The following LPP variants were observed in gnomAD, a reference collection of about 807,000 sequenced individuals.
The protein encoded by LPP is lipoma-preferred partner.
A neutral mutation model predicts 60.4 loss-of-function variants in LPP; 38 were observed. The ratio of observed to expected loss-of-function variants is 0.63; its 90% CI spans 0.49 to 0.83. The LOEUF is 0.83. LPP is among the 40% of genes least tolerant of loss of function. LPP has a pLI of 0.00. For missense variants in LPP, 902 were observed against 783.6 expected, an observed-to-expected ratio of 1.15 and a Z score of -1.80; for synonymous variants, 328 against 290.8, an observed-to-expected ratio of 1.13 and a Z score of -1.30.
At chr3:188,687,312 G>A (rs1860983361) in intron 7 of LPP, among the ~76,000 whole-genome samples, 1 of 152,104 alleles carries the variant, frequency 6.6e-6, no homozygotes, top group South Asian at 2.1e-4. Context: ...TGCTAATTTG[G>A]GAGTGTCCCC....
At chr3:188,584,545 TC>T (rs1190888628) in intron 6 of LPP, 5 of 118,754 alleles carry the variant, frequency 4.2e-5, no homozygotes, top group Admixed American at 9.9e-5. Flanking sequence ...TTAATTTTAG[TC>T]GTGTGTGTGT....
chr3:188,672,839 C>G (rs1247690592), intron 7 of LPP, among the ~76,000 whole-genome samples: 1 of 152,136 alleles, frequency 6.6e-6, no homozygotes, highest in Non-Finnish European at 1.5e-5. Flanking sequence ...AAGGTCTAAA[C>G]CCTGGGAGGA....
intron 9 of LPP, among the ~76,000 whole-genome samples, chr3:188,773,458 A>G (rs906639522): frequency 4.6e-5 from 7 of 152,134 alleles, no homozygotes; most frequent in African/African-American, 1.7e-4. Flanking sequence ...GGATATTGCA[A>G]TTGGATGGCT....
At chr3:188,491,923 A>C (rs1383418751) in intron 5 of LPP, among the ~76,000 whole-genome samples, 1 of 152,164 alleles carries the variant, frequency 6.6e-6, no homozygotes, top group Non-Finnish European at 1.5e-5. Context: ...ACTTTTTAAG[A>C]ACTTAAAGAG....
intron 1 of LPP, among the ~76,000 whole-genome samples, chr3:188,223,270 T>C (rs1365207194): frequency 6.6e-6 from 1 of 152,218 alleles, no homozygotes; most frequent in Non-Finnish European, 1.5e-5. Flanking sequence ...CAACAATGTA[T>C]AATTTTTTAA....
chr3:188,300,850 A>T (rs1749602937), intron 2 of LPP, among the ~76,000 whole-genome samples: 1 of 152,182 alleles, frequency 6.6e-6, no homozygotes, highest in Non-Finnish European at 1.5e-5. Context: ...ACATTTCTGG[A>T]TATGACGACA....
intron 3 of LPP, among the ~76,000 whole-genome samples, chr3:188,343,782 G>C (rs1763644451): frequency 6.6e-6 from 1 of 152,192 alleles, no homozygotes; most frequent in African/African-American, 2.4e-5. Context: ...ACCTTTGGGA[G>C]GTGGAGAAGT....
intron 4 of LPP, among the ~76,000 whole-genome samples, chr3:188,428,210 C>T (rs1789959871): frequency 6.6e-6 from 1 of 152,124 alleles, no homozygotes; most frequent in Non-Finnish European, 1.5e-5. Context: ...GGTGATGCTC[C>T]ACCCTGCTTA....
At chr3:188,273,346 G>A (rs78848334) in intron 2 of LPP, among the ~76,000 whole-genome samples, 2,289 of 152,248 alleles carry the variant, frequency 0.015, 23 homozygotes, top group Non-Finnish European at 0.024. Context: ...TCATTTGTAC[G>A]TGTGTACTTT....
intron 1 of LPP, among the ~76,000 whole-genome samples, chr3:188,192,467 T>C (rs542329324): frequency 5.3e-5 from 8 of 152,326 alleles, no homozygotes; most frequent in African/African-American, 1.9e-4. Flanking sequence ...AGGGGAAATA[T>C]CAAGATGAGA....
chr3:188,188,029 T>C (rs1727103482), intron 1 of LPP, among the ~76,000 whole-genome samples: 1 of 152,218 alleles, frequency 6.6e-6, no homozygotes, highest in Admixed American at 6.5e-5. Context: ...CATTTACATA[T>C]TGTTGAATGG....
At chr3:188,309,022 C>T (rs1290543945) in intron 2 of LPP, among the ~76,000 whole-genome samples, 18 of 119,650 alleles carry the variant, frequency 1.5e-4, no homozygotes, top group Admixed American at 9.9e-4. Flanking sequence ...TCTTCTTCTT[C>T]TTTTTTTTTT....
chr3:188,513,769 C>G (rs940939244), intron 5 of LPP, among the ~76,000 whole-genome samples: 2 of 152,118 alleles, frequency 1.3e-5, no homozygotes, highest in African/African-American at 4.8e-5. Context: ...AACAGTGAGG[C>G]TACTTGTGTA....
chr3:188,802,210 C>A (rs1434696183), intron 9 of LPP, among the ~76,000 whole-genome samples: 1 of 152,092 alleles, frequency 6.6e-6, no homozygotes, highest in Non-Finnish European at 1.5e-5. Flanking sequence ...TACTTAGGAT[C>A]CATTCATAGA....
At chr3:188,297,602 C>T (rs957413542) in intron 2 of LPP, among the ~76,000 whole-genome samples, 1 of 152,174 alleles carries the variant, frequency 6.6e-6, no homozygotes, top group Non-Finnish European at 1.5e-5. Flanking sequence ...GTGATTCAAG[C>T]TGAACAGCTA....
chr3:188,748,432 C>T (rs1726985786), intron 8 of LPP, among the ~76,000 whole-genome samples: 1 of 152,092 alleles, frequency 6.6e-6, no homozygotes, highest in Non-Finnish European at 1.5e-5. Flanking sequence ...AATCAAAACT[C>T]AATTCTTCTA....
intron 7 of LPP, among the ~76,000 whole-genome samples, chr3:188,621,761 G>A (rs141435944): frequency 6.6e-6 from 1 of 152,122 alleles, no homozygotes; most frequent in Non-Finnish European, 1.5e-5. Flanking sequence ...CTGGGTTCAA[G>A]TGATTCTCCT....
intron 4 of LPP, among the ~76,000 whole-genome samples, chr3:188,469,238 G>T (rs544137093): frequency 6.6e-6 from 1 of 152,122 alleles, no homozygotes; most frequent in East Asian, 1.9e-4. Context: ...CTTAACCTTT[G>T]CAGATGTGGG....
chr3:188,667,779 T>G (rs1482177803), intron 7 of LPP, among the ~76,000 whole-genome samples: 1 of 151,630 alleles, frequency 6.6e-6, no homozygotes, highest in Non-Finnish European at 1.5e-5. Flanking sequence ...GTTATAGTTT[T>G]TTTTTTTCTT....
Sources: gnomAD v4.1 joint callset for allele counts (sites outside exome capture counted in the v4.1 genomes callset) on GRCh38, gnomAD v4.1.1 for gene constraint, MANE v1.5 for transcripts, NCBI Gene and HGNC (gene_info 2026-07-23, HGNC 2026-07-21) for gene names.